FIGN: variants seen among roughly 807,000 people sequenced by gnomAD.
The protein encoded by FIGN is fidgetin.
A neutral mutation model predicts 51.3 loss-of-function variants in FIGN; 11 were observed. The observed-to-expected ratio is 0.21, with a 90% CI of 0.13 to 0.35. The LOEUF is 0.35. Ranked by LOEUF, FIGN falls within the 10% of genes least tolerant of loss-of-function variation. FIGN has a pLI of 1.00. For missense variants in FIGN, 857 were observed against 943.6 expected, an observed-to-expected ratio of 0.91 and a Z score of 1.20; for synonymous variants, 407 against 363.2, an observed-to-expected ratio of 1.12 and a Z score of -1.37.
intron 2 of FIGN, among the ~76,000 whole-genome samples, chr2:163,637,642 A>T (rs1282018521): frequency 6.6e-6 from 1 of 152,114 alleles, no homozygotes; most frequent in Non-Finnish European, 1.5e-5. Context: ...CTCAAAAAAG[A>T]AGAGTGAATT....
At chr2:163,625,607 C>T (rs1683043139) in intron 2 of FIGN, among the ~76,000 whole-genome samples, 1 of 151,866 alleles carries the variant, frequency 6.6e-6, no homozygotes, top group African/African-American at 2.4e-5. Context: ...TTTTTCCATG[C>T]AAGATGATGC....
intron 2 of FIGN, among the ~76,000 whole-genome samples, chr2:163,714,942 T>C (rs1330332147): frequency 1.3e-5 from 2 of 152,256 alleles, no homozygotes; most frequent in East Asian, 1.9e-4. Flanking sequence ...TTTTTATTTA[T>C]AGCCGATGGG....
At chr2:163,614,496 A>T (rs1323575601) in intron 2 of FIGN, among the ~76,000 whole-genome samples, 1 of 152,168 alleles carries the variant, frequency 6.6e-6, no homozygotes, top group Non-Finnish European at 1.5e-5. Context: ...ATTTCTAGGG[A>T]ATTTCTATTA....
chr2:163,632,918 G>A (rs1342789904), intron 2 of FIGN, among the ~76,000 whole-genome samples: 1 of 152,080 alleles, frequency 6.6e-6, no homozygotes, highest in Non-Finnish European at 1.5e-5. Flanking sequence ...AGGCCAGGTT[G>A]GGTGGCTCAT....
intron 2 of FIGN, among the ~76,000 whole-genome samples, chr2:163,654,259 A>C (rs1683524845): frequency 2.6e-5 from 4 of 152,128 alleles, no homozygotes; most frequent in Admixed American, 1.3e-4. Context: ...ATACTATATA[A>C]TTTTATTTGT....
chr2:163,661,685 G>C (rs1683687071), intron 2 of FIGN, among the ~76,000 whole-genome samples: 1 of 152,136 alleles, frequency 6.6e-6, no homozygotes. Flanking sequence ...AGACCCAGGG[G>C]GAGGTAACTG....
chr2:163,611,318 T>G lies in FIGN; in HGVS notation c.514A>C (p.Thr172Pro), dbSNP rs777532928. ...SYSSSTCGSHTVPSLHAGLPS... is the reference protein window; with the variant it reads ...SYSSSTCGSHPVPSLHAGLPS... ...AGCCCTGCATGAAGACTGGGTACAG[T>G]GTGGCTTCCACAGGTACTACTTGAA... The change falls in exon 3 of 3, where the codon ACT becomes CCT. Residue 172 changes from threonine to proline, a missense_variant. Around this residue, in one of 3 missense-constraint regions of FIGN, gnomAD observed 799 missense variants for 849.5 expected, o/e 0.94. Transcript: ENST00000333129. The G allele has an allele frequency of 6.2e-7, 1 of 1,614,022 alleles. No individual in the cohort carries two copies. The highest frequency in any genetic ancestry group is 8.5e-7 in the Non-Finnish European group (1 of 1,180,034).
intron 2 of FIGN, among the ~76,000 whole-genome samples, chr2:163,634,000 A>G (rs1256886205): frequency 6.6e-6 from 1 of 151,748 alleles, no homozygotes; most frequent in Non-Finnish European, 1.5e-5. Flanking sequence ...TCCTTTGCCA[A>G]TGCTTTAGGT....
chr2:163,696,480 C>T (rs1225001800), intron 2 of FIGN, among the ~76,000 whole-genome samples: 1 of 152,162 alleles, frequency 6.6e-6, no homozygotes, highest in Non-Finnish European at 1.5e-5. Flanking sequence ...TGAAATATCG[C>T]TGCAAGTATC....
intron 2 of FIGN, among the ~76,000 whole-genome samples, chr2:163,713,738 C>T (rs533172084): frequency 1.5e-4 from 23 of 152,274 alleles, no homozygotes; most frequent in Non-Finnish European, 2.8e-4. Context: ...ACCAGTGGAC[C>T]ACCTGATACT....
chr2:163,605,107 A>T lies in FIGN; in HGVS notation c.*4445T>A, dbSNP rs535405456. The stretch of plus-strand genomic sequence containing the variant: ...GACCCATGCTGCCGACATTCTACAT[A>T]TCACTGAGACAGGGAGGTGAAATTT... On this transcript the variant is annotated 3_prime_UTR_variant, in exon 3 of 3. Coordinates refer to ENST00000333129, the MANE Select transcript of FIGN (RefSeq NM_018086.4). The T allele has an allele frequency of 3.9e-5, 6 of 152,046 alleles. No homozygotes were observed. In the South Asian group the frequency reaches 1.2e-3, roughly 31 times the overall value. 9.4% of individuals were successfully genotyped at this position (152,046 alleles called of 1,614,324 possible). A position where few individuals can be genotyped will look rare whatever the true frequency, so the allele number is the denominator to read the frequency against.
intron 2 of FIGN, among the ~76,000 whole-genome samples, chr2:163,673,110 G>T (rs1683904591): frequency 6.6e-6 from 1 of 152,008 alleles, no homozygotes; most frequent in Non-Finnish European, 1.5e-5. Flanking sequence ...AAAATAAAAA[G>T]ACATCCCTTA....
intron 2 of FIGN, among the ~76,000 whole-genome samples, chr2:163,623,401 T>G (rs1319636904): frequency 6.6e-6 from 1 of 152,164 alleles, no homozygotes; most frequent in Non-Finnish European, 1.5e-5. Flanking sequence ...ATCTTATTGG[T>G]GATCTCAAAA....
intron 2 of FIGN, among the ~76,000 whole-genome samples, chr2:163,722,017 C>G (rs1007049142): frequency 1.3e-5 from 2 of 152,150 alleles, no homozygotes; most frequent in Non-Finnish European, 2.9e-5. Context: ...TACTGTAATG[C>G]TATTTATTGT....
intron 2 of FIGN, among the ~76,000 whole-genome samples, chr2:163,657,220 C>T (rs1553497874): frequency 6.6e-6 from 1 of 151,896 alleles, no homozygotes; most frequent in Non-Finnish European, 1.5e-5. Flanking sequence ...GACACTGAAT[C>T]TAGTACTAAT....
chr2:163,722,934 C>T (rs1475196832), intron 2 of FIGN, among the ~76,000 whole-genome samples: 1 of 151,868 alleles, frequency 6.6e-6, no homozygotes, highest in Admixed American at 6.6e-5. Flanking sequence ...CGCCTGTAAT[C>T]CCAGCACATT....
intron 2 of FIGN, among the ~76,000 whole-genome samples, chr2:163,719,819 C>T (rs1684726390): frequency 6.6e-6 from 1 of 152,152 alleles, no homozygotes; most frequent in South Asian, 2.1e-4. Flanking sequence ...GGAAGTTATT[C>T]ATCCCAGTCT....
At chr2:163,613,492 T>C (rs1682815608) in intron 2 of FIGN, among the ~76,000 whole-genome samples, 1 of 152,156 alleles carries the variant, frequency 6.6e-6, no homozygotes. Context: ...TGGCCGGCTC[T>C]GACTTACTGC....
rs1170211680 is a variant in FIGN at position 163,676,989 on chromosome 2, G to T, written c.25+57914C>A. Among the ~76,000 whole-genome samples, 4 of 152,122 alleles carry T rather than the reference G, an allele frequency of 2.6e-5. No individual in the cohort carries two copies. In the East Asian group the frequency reaches 7.7e-4, roughly 29 times the overall value. On this transcript the variant is annotated intron_variant, in intron 2 of 2. Coordinates refer to ENST00000333129, the MANE Select transcript of FIGN (RefSeq NM_018086.4). Reference sequence around the variant, plus strand: ...ATATATTTCAATGAAAGGAGGGAGGGATAGCTTTCAAACTCTCACAGTGTC... The same window carrying T: ...ATATATTTCAATGAAAGGAGGGAGGTATAGCTTTCAAACTCTCACAGTGTC...
Sources: allele counts gnomAD v4.1 joint callset (sites outside exome capture counted in the v4.1 genomes callset), GRCh38; gene constraint gnomAD v4.1.1; regional missense constraint gnomAD v4.1.1; transcripts MANE v1.5; gene names NCBI Gene and HGNC (gene_info 2026-07-23, HGNC 2026-07-21).